Variants in CMTR2 observed in about 807,000 individuals in gnomAD.
CMTR2 encodes the protein cap methyltransferase 2, also known as cap-specific mRNA (nucleoside-2'-O-)-methyltransferase 2.
A neutral mutation model predicts 49.8 loss-of-function variants in CMTR2; 40 were observed. The ratio of observed to expected loss-of-function variants is 0.80; its 90% CI spans 0.62 to 1.04. The LOEUF is 1.04. CMTR2 is among the 50% of genes least tolerant of loss of function. CMTR2 has a pLI of 0.00. For missense variants in CMTR2, 907 were observed against 897.2 expected, an observed-to-expected ratio of 1.01 and a Z score of -0.14; for synonymous variants, 326 against 315.8, an observed-to-expected ratio of 1.03 and a Z score of -0.34.
chr16:71,284,133 C>A lies in CMTR2; in HGVS notation c.1788G>T (p.Pro596=), dbSNP rs543435476. 1.2e-6 allele frequency: 2 copies of A among 1,613,762 alleles called. No individual in the cohort carries two copies. The highest frequency in any genetic ancestry group is 2.7e-5 in the African/African-American group (2 of 74,880). The stretch of plus-strand genomic sequence containing the variant: ...CTGATTCTAGGAGTCGAACTTCCAA[C>A]GGTATATGCATTTTGATATTACGGA... ...STLRNIKMHI[P]LEVRLLESAE... is the part of the protein sequence containing the mutation. The change falls in exon 3 of 3, where the codon CCG becomes CCT. Residue 596 remains proline, a synonymous_variant. Coordinates refer to ENST00000434935, the MANE Select transcript of CMTR2 (RefSeq NM_018348.6).
intron 2 of CMTR2, chr16:71,286,552 A>G (rs375368390): frequency 1.3e-5 from 2 of 151,908 alleles, no homozygotes; most frequent in African/African-American, 4.8e-5. Flanking sequence ...CACTAGTAGG[A>G]TTGTTGAATA....
Position 71,284,574 on chromosome 16 carries a change from C to G in CMTR2, c.1347G>C (p.Met449Ile). The G allele has an allele frequency of 6.2e-7, 1 of 1,613,842 alleles. No homozygotes were observed. Among genetic ancestry groups the G allele is most frequent in the African/African-American group, 1.3e-5 (1 of 75,028 alleles). ...KYFKTYNERK[M>I]LEALSWKDKV... ...TATCTTTCCATGAAAGGGCTTCTAG[C>G]ATCTTCCTTTCATTATAAGTTTTAA... is the stretch of plus-strand genomic sequence containing the variant. Residue 449 changes from methionine (M) to isoleucine (I), a missense_variant, in exon 3 of 3, where the codon ATG becomes ATC. Coordinates refer to ENST00000434935, the MANE Select transcript of CMTR2 (RefSeq NM_018348.6).
chr16:71,288,380 C>G (rs933474286), intron 2 of CMTR2: 2 of 152,200 alleles, frequency 1.3e-5, no homozygotes, highest in African/African-American at 4.8e-5. Context: ...TACTTCCAAC[C>G]TATAACTTCC....
chr16:71,287,843 A>C (rs569387446), intron 2 of CMTR2: 2 of 152,314 alleles, frequency 1.3e-5, no homozygotes, highest in South Asian at 4.1e-4. Context: ...GGGCATATAA[A>C]AGTTTTTTTC....
chr16:71,288,490 A>G (rs530108362), intron 2 of CMTR2: 93 of 152,334 alleles, frequency 6.1e-4, no homozygotes, highest in African/African-American at 2.1e-3. Flanking sequence ...CCATTCCAAG[A>G]AGTTGGACAT....
In CMTR2 at chr16:71,282,667, ATT is replaced by A. The variant is rs1390476019; in HGVS notation, c.*939_*940del. 1 of 152,186 alleles carries A rather than the reference ATT, an allele frequency of 6.6e-6. No individual in the cohort carries two copies. 9.4% of individuals were successfully genotyped at this position (152,186 alleles called of 1,614,324 possible). On this transcript the variant is annotated 3_prime_UTR_variant, in exon 3 of 3. Transcript: ENST00000434935. ...CACTGAAAAAAAGAAATTAGAAAAG[ATT>A]AAAAATTTTAAATTCTGAACCATCA...
chr16:71,283,248 G>GAA lies in CMTR2; in HGVS notation c.*358_*359dup. 4.1e-5 allele frequency: 7 copies of GAA among 171,816 alleles called. No individual in the cohort carries two copies. The highest frequency in any genetic ancestry group is 1.3e-4 in the Admixed American group (2 of 15,832). 10.6% of individuals were successfully genotyped at this position (171,816 alleles called of 1,614,324 possible). ...TTAGCCACTAAGAGGAAATCGGCTGGAAAAAAAAAACTAATCTGAACAAAG... is the reference window on the plus strand; with the variant it reads ...TTAGCCACTAAGAGGAAATCGGCTGGAAAAAAAAAAAACTAATCTGAACAAAG... On this transcript the variant is annotated 3_prime_UTR_variant, in exon 3 of 3. Transcript: ENST00000434935.
In CMTR2 at chr16:71,289,220, G is replaced by A. The variant is rs1223659436; in HGVS notation, c.-164C>T. ...GAAGCCATTCTGCACTTCCGCTCTC[G>A]GGGCTGCTTCCCGGGATGGTCCCTC... is the stretch of plus-strand genomic sequence containing the variant. On this transcript the variant is annotated 5_prime_UTR_variant, in exon 1 of 3. Transcript: ENST00000434935. The A allele has an allele frequency of 1.3e-5, 2 of 152,324 alleles. No homozygotes were observed. The highest frequency in any genetic ancestry group is 2.9e-5 in the Non-Finnish European group (2 of 68,150). The allele number at this position is 152,324 out of a possible 1,614,324, so 9.4% of individuals were successfully genotyped here. A position where few individuals can be genotyped will look rare whatever the true frequency, so the allele number is the denominator to read the frequency against.
intron 2 of CMTR2, among the ~76,000 whole-genome samples, chr16:71,286,144 T>C (rs1185987518): frequency 6.6e-6 from 1 of 152,074 alleles, no homozygotes; most frequent in Non-Finnish European, 1.5e-5. Context: ...CTCTGCTAAT[T>C]ATGGCTTAAT....
upstream of CMTR2, chr16:71,289,665 GGA>G (rs2041805232): frequency 8.1e-5 from 12 of 148,356 alleles, no homozygotes; most frequent in Non-Finnish European, 1.4e-4. Context: ...GGAGGGGGAG[GGA>G]GGGAAGGGAC....
chr16:71,288,493 T>G (rs548735111), intron 2 of CMTR2: 10 of 152,312 alleles, frequency 6.6e-5, no homozygotes, highest in Admixed American at 6.5e-4. Flanking sequence ...TTCCAAGAAG[T>G]TGGACATTGC....
In CMTR2 at chr16:71,283,881, C is replaced by T. The variant is rs757859041; in HGVS notation, c.2040G>A (p.Leu680=). The T allele has an allele frequency of 6.2e-7, 1 of 1,613,820 alleles. No individual in the cohort carries two copies. Among genetic ancestry groups the T allele is most frequent in the Non-Finnish European group, 8.5e-7 (1 of 1,179,918 alleles). ...CACATAGCAGGACTGCGCAGGTCCT[C>T]AGGGGATCAGAGGATGTGGGACAAA... ...TFVCPTSSDP[L]RTCAVLLCVG... is the part of the protein sequence containing the mutation. The change falls in exon 3 of 3, where the codon CTG becomes CTA. Residue 680 remains leucine (L), a synonymous_variant. Transcript: ENST00000434935.
chr16:71,289,667 A>AGGGGGAGGGGGGGGGGGGGGGG (rs1395441797), upstream of CMTR2: 2 of 20,914 alleles, frequency 9.6e-5, no homozygotes, highest in Non-Finnish European at 9.8e-5. Flanking sequence ...AGGGGGAGGG[A>AGGGGGAGGGGGGGGGGGGGGGG]GGGAAGGGAC....
In CMTR2 at chr16:71,284,590, T is replaced by C. The variant is rs577001969; in HGVS notation, c.1331A>G (p.Tyr444Cys). 1.2e-6 allele frequency: 2 copies of C among 1,613,788 alleles called. No individual in the cohort carries two copies. The highest frequency in any genetic ancestry group is 2.2e-5 in the South Asian group (2 of 91,014). The change falls in exon 3 of 3, where the codon TAT becomes TGT. Residue 444 changes from tyrosine (Y) to cysteine (C), a missense_variant. Tyr to Cys is a radical substitution (Grantham distance 194). Coordinates refer to ENST00000434935, the MANE Select transcript of CMTR2 (RefSeq NM_018348.6). ...GGCTTCTAGCATCTTCCTTTCATTATAAGTTTTAAAATATTTGTTCCTCTG... is the reference window on the plus strand; with the variant it reads ...GGCTTCTAGCATCTTCCTTTCATTACAAGTTTTAAAATATTTGTTCCTCTG... ...FGQRNKYFKT[Y>C]NERKMLEALS...
Position 71,285,254 on chromosome 16 carries a change from T to A in CMTR2, c.667A>T (p.Ile223Leu), listed in dbSNP as rs1053338991. 4.3e-6 allele frequency: 7 copies of A among 1,614,150 alleles called. No homozygotes were observed. The highest frequency in any genetic ancestry group is 5.9e-6 in the Non-Finnish European group (7 of 1,179,962). ...AAGTGAACAGTAGCCATGCTGCTTA[T>A]GAAATTCTGAAGTCCAGTCAAGAAT... ...LKFLTGLQNF[I>L]SSMATVHLVT... is the part of the protein sequence containing the mutation. The change falls in exon 3 of 3, where the codon ATA becomes TTA. Residue 223 changes from isoleucine to leucine, a missense_variant. Ile to Leu is a conservative substitution (Grantham distance 5). Transcript: ENST00000434935.
chr16:71,289,358 G>T lies in CMTR2; in HGVS notation c.-302C>A, dbSNP rs868013184. 1 of 152,260 alleles carries T rather than the reference G, an allele frequency of 6.6e-6. No individual in the cohort carries two copies. The highest frequency in any genetic ancestry group is 2.4e-5 in the African/African-American group (1 of 41,458). 9.4% of individuals were successfully genotyped at this position (152,260 alleles called of 1,614,324 possible). The stretch of plus-strand genomic sequence containing the variant: ...ACCGGGAAGCCAGTCCCACCTCCGG[G>T]CCCCGCAGCCGCGAATGCCGGCAGA... On this transcript the variant is annotated 5_prime_UTR_variant, in exon 1 of 3. Transcript: ENST00000434935.
At chr16:71,288,963 T>A (rs1177003866) in intron 1 of CMTR2, 26 bp from the exon 2 acceptor site, 1 of 152,304 alleles carries the variant, frequency 6.6e-6, no homozygotes, top group African/African-American at 2.4e-5. Context: ...CCAGTGAGTA[T>A]CCAGGGCTGA....
intron 2 of CMTR2, chr16:71,287,532 CA>C (rs2041749338): frequency 6.6e-6 from 1 of 152,156 alleles, no homozygotes; most frequent in Non-Finnish European, 1.5e-5. Flanking sequence ...TTCCCAGGCT[CA>C]AAGGATCCTC....
In CMTR2 at chr16:71,283,609, CAGT is replaced by C. The variant is rs1327504228; in HGVS notation, c.2309_2311del (p.Asn770_Ter771delinsArg). ...AGTTGAATCTCAGAAAGCATATGTTCAGTTTTGTAACTGAAGGCTGTTGATAAT... is the reference window on the plus strand; with the variant it reads ...AGTTGAATCTCAGAAAGCATATGTTCTTTGTAACTGAAGGCTGTTGATAAT... On this transcript the variant is annotated stop_lost and inframe_deletion, in exon 3 of 3. Transcript: ENST00000434935. 1.9e-6 allele frequency: 3 copies of C among 1,606,340 alleles called. No individual in the cohort carries two copies. Among genetic ancestry groups the C allele is most frequent in the Non-Finnish European group, 2.5e-6 (3 of 1,176,582 alleles).
Sources: gnomAD v4.1 joint callset for allele counts (sites outside exome capture counted in the v4.1 genomes callset) on GRCh38, gnomAD v4.1.1 for gene constraint, MANE v1.5 for transcripts, NCBI Gene and HGNC (gene_info 2026-07-23, HGNC 2026-07-21) for gene names.